TTC29: variants seen among roughly 807,000 people sequenced by gnomAD.
TTC29 encodes tetratricopeptide repeat domain 29, also known as tetratricopeptide repeat protein 29.
In TTC29, 49 loss-of-function variants were observed where a neutral mutation model predicts 58.1. The observed-to-expected ratio is 0.84, with a 90% CI of 0.67 to 1.07. The LOEUF is 1.07. TTC29 is among the 50% of genes least tolerant of loss of function. TTC29 has a pLI of 0.00. For synonymous variants in TTC29, 209 were observed against 196.8 expected, an observed-to-expected ratio of 1.06 and a Z score of -0.52; for missense variants, 582 against 555.6, an observed-to-expected ratio of 1.05 and a Z score of -0.48.
intron 9 of TTC29, among the ~76,000 whole-genome samples, chr4:146,822,543 C>T (rs939131184): frequency 6.6e-6 from 1 of 152,180 alleles, no homozygotes; most frequent in African/African-American, 2.4e-5. Context: ...CTGCAATAAA[C>T]ATATGTGTGC....
intron 8 of TTC29, among the ~76,000 whole-genome samples, chr4:146,854,243 C>T (rs1335995122): frequency 2.6e-5 from 4 of 152,142 alleles, no homozygotes; most frequent in Non-Finnish European, 4.4e-5. Flanking sequence ...CTGGGAAAAC[C>T]CGAACCAAGT....
chr4:146,782,142 G>T (rs565129496), intron 11 of TTC29, among the ~76,000 whole-genome samples: 1 of 151,626 alleles, frequency 6.6e-6, no homozygotes, highest in Non-Finnish European at 1.5e-5. Context: ...TTGAGAAATC[G>T]ATTTCTGGCA....
At chr4:146,818,981 C>A (rs1286463152) in intron 10 of TTC29, among the ~76,000 whole-genome samples, 2 of 151,688 alleles carry the variant, frequency 1.3e-5, no homozygotes, top group Admixed American at 1.3e-4. Flanking sequence ...ATACCTAATG[C>A]TAAATGACGA....
intron 11 of TTC29, among the ~76,000 whole-genome samples, chr4:146,761,090 T>C (rs1375833475): frequency 6.6e-6 from 1 of 151,696 alleles, no homozygotes; most frequent in Non-Finnish European, 1.5e-5. Flanking sequence ...TTGGGGACTT[T>C]GGGGGAAGAG....
At chr4:146,823,953 T>G (rs192411830) in intron 9 of TTC29, among the ~76,000 whole-genome samples, 109 of 152,344 alleles carry the variant, frequency 7.2e-4, no homozygotes, top group African/African-American at 2.6e-3. Context: ...ATTGATTTTG[T>G]ATCCTGAGAC....
At chr4:146,942,060 G>C (rs1736455876) in intron 2 of TTC29, among the ~76,000 whole-genome samples, 1 of 152,164 alleles carries the variant, frequency 6.6e-6, no homozygotes, top group Non-Finnish European at 1.5e-5. Flanking sequence ...AGACAGCTTT[G>C]TGTTACTGAA....
intron 11 of TTC29, among the ~76,000 whole-genome samples, chr4:146,773,450 C>T (rs564690968): frequency 8.5e-4 from 129 of 152,204 alleles, no homozygotes; most frequent in African/African-American, 3.1e-3. Context: ...TTATTGAAAA[C>T]ATTTTCTGCA....
At chr4:146,820,890 G>A (rs1051844225) in intron 9 of TTC29, among the ~76,000 whole-genome samples, 1 of 152,070 alleles carries the variant, frequency 6.6e-6, no homozygotes, top group Non-Finnish European at 1.5e-5. Flanking sequence ...AAATTAGCCA[G>A]GCATGGTGGT....
At chr4:146,796,289 G>C (rs1474687204) in intron 11 of TTC29, among the ~76,000 whole-genome samples, 1 of 151,752 alleles carries the variant, frequency 6.6e-6, no homozygotes, top group Non-Finnish European at 1.5e-5. Context: ...AATTCAATTA[G>C]AGTAAAATAA....
chr4:146,749,681 T>A (rs373622118), intron 11 of TTC29, among the ~76,000 whole-genome samples: 1 of 152,130 alleles, frequency 6.6e-6, no homozygotes. Flanking sequence ...ACATCCAGAT[T>A]GATGAAACTA....
At chr4:146,811,266 C>T (rs1468676607) in intron 10 of TTC29, among the ~76,000 whole-genome samples, 3 of 152,156 alleles carry the variant, frequency 2.0e-5, no homozygotes, top group Non-Finnish European at 4.4e-5. Context: ...ATGTCATTAA[C>T]TTTCACATGT....
At chr4:146,920,708 A>G (rs1404000439) in intron 4 of TTC29, among the ~76,000 whole-genome samples, 1 of 151,154 alleles carries the variant, frequency 6.6e-6, no homozygotes, top group African/African-American at 2.4e-5. Flanking sequence ...CTTTTTTGAT[A>G]AAATTTTTAA....
At chr4:146,916,799 A>T (rs1239318847) in intron 4 of TTC29, among the ~76,000 whole-genome samples, 1 of 151,494 alleles carries the variant, frequency 6.6e-6, no homozygotes, top group Non-Finnish European at 1.5e-5. Flanking sequence ...AAAGTTATGC[A>T]TGGTATTCTA....
At chr4:146,796,029 GAA>G (rs1199166452) in intron 11 of TTC29, among the ~76,000 whole-genome samples, 1 of 152,130 alleles carries the variant, frequency 6.6e-6, no homozygotes, top group East Asian at 1.9e-4. Flanking sequence ...TGGTTTAACT[GAA>G]AACTTTTCAT....
chr4:146,923,804 G>C (rs1292817611), intron 4 of TTC29, among the ~76,000 whole-genome samples: 1 of 151,750 alleles, frequency 6.6e-6, no homozygotes, highest in Non-Finnish European at 1.5e-5. Flanking sequence ...ATATAAAACA[G>C]TGAATATACA....
intron 4 of TTC29, among the ~76,000 whole-genome samples, chr4:146,932,568 T>C (rs565927615): frequency 4.6e-5 from 7 of 152,282 alleles, no homozygotes; most frequent in Non-Finnish European, 1.0e-4. Context: ...TGCCAGGGCA[T>C]TGTGCAAATC....
At chr4:146,913,906 C>T (rs2150291726) in intron 4 of TTC29, among the ~76,000 whole-genome samples, 1 of 152,160 alleles carries the variant, frequency 6.6e-6, no homozygotes, top group East Asian at 1.9e-4. Flanking sequence ...ATTTCTAGTA[C>T]ATTTTTAAAA....
intron 9 of TTC29, among the ~76,000 whole-genome samples, chr4:146,828,555 T>C (rs1727959305): frequency 6.6e-6 from 1 of 152,114 alleles, no homozygotes; most frequent in African/African-American, 2.4e-5. Flanking sequence ...AAAACCAATA[T>C]ATTTTTGAAG....
intron 11 of TTC29, among the ~76,000 whole-genome samples, chr4:146,710,129 C>T (rs2149989209): frequency 6.6e-6 from 1 of 152,202 alleles, no homozygotes; most frequent in Admixed American, 6.5e-5. Flanking sequence ...ACAAGAATAC[C>T]TTCTAAGAAA....
Sources: allele counts gnomAD v4.1 joint callset (sites outside exome capture counted in the v4.1 genomes callset), GRCh38; gene constraint gnomAD v4.1.1; transcripts MANE v1.5; gene names NCBI Gene and HGNC (gene_info 2026-07-23, HGNC 2026-07-21).